The following KCNH5 variants were observed in gnomAD, a reference collection of about 807,000 sequenced individuals.
KCNH5 encodes voltage-gated delayed rectifier potassium channel KCNH5.
A neutral mutation model predicts 96.1 loss-of-function variants in KCNH5; 46 were observed. The ratio of observed to expected loss-of-function variants is 0.48; its 90% CI spans 0.38 to 0.61. The LOEUF (loss-of-function observed/expected upper bound fraction) is 0.61. Among genes scored for constraint, KCNH5 ranks in the 20% least tolerant of loss-of-function variants. KCNH5 has a pLI of 0.00. For missense variants in KCNH5, 907 were observed against 1,225.8 expected (o/e 0.74, Z 3.88); for synonymous variants, 439 against 449.8 (o/e 0.98, Z 0.30).
intron 7 of KCNH5, among the ~76,000 whole-genome samples, chr14:62,880,182 T>G (rs946167168): frequency 6.6e-6 from 1 of 152,196 alleles, no homozygotes; most frequent in Non-Finnish European, 1.5e-5. Context: ...GTTTCTTTAT[T>G]AGCAACCATT....
intron 7 of KCNH5, among the ~76,000 whole-genome samples, chr14:62,929,020 C>T (rs1381708403): frequency 3.3e-5 from 5 of 152,122 alleles, no homozygotes; most frequent in African/African-American, 7.2e-5. Context: ...GGACTGCCTA[C>T]GAGACATATG....
chr14:62,806,026 A>G (rs915091442), intron 8 of KCNH5, among the ~76,000 whole-genome samples: 1 of 152,074 alleles, frequency 6.6e-6, no homozygotes, highest in African/African-American at 2.4e-5. Context: ...CCTCGTAAAG[A>G]CCTTGCTGAT....
intron 10 of KCNH5, among the ~76,000 whole-genome samples, chr14:62,715,966 T>C: frequency 6.6e-6 from 1 of 152,224 alleles, no homozygotes; most frequent in East Asian, 1.9e-4. Flanking sequence ...CTAGGATTAC[T>C]AATACAGTTA....
chr14:62,890,817 G>C (rs1167861939), intron 7 of KCNH5, among the ~76,000 whole-genome samples: 1 of 151,958 alleles, frequency 6.6e-6, no homozygotes. Context: ...TCATTAGAGA[G>C]ATGCAAATCA....
chr14:62,755,896 T>A (rs1885612775), intron 10 of KCNH5, among the ~76,000 whole-genome samples: 1 of 152,114 alleles, frequency 6.6e-6, no homozygotes. Flanking sequence ...ATGCATTGGA[T>A]AAAATTCAAC....
At chr14:62,883,855 T>G (rs1378732817) in intron 7 of KCNH5, among the ~76,000 whole-genome samples, 1 of 152,136 alleles carries the variant, frequency 6.6e-6, no homozygotes. Flanking sequence ...GAGTGTGAGT[T>G]AAGAATCTTT....
intron 6 of KCNH5, among the ~76,000 whole-genome samples, chr14:62,953,248 C>G (rs1890040352): frequency 6.6e-6 from 1 of 151,986 alleles, no homozygotes; most frequent in Non-Finnish European, 1.5e-5. Flanking sequence ...ACTACTTCCT[C>G]TTGGTTTTTA....
intron 4 of KCNH5, among the ~76,000 whole-genome samples, chr14:62,997,940 G>A (rs1890940143): frequency 6.7e-6 from 1 of 149,670 alleles, no homozygotes; most frequent in Non-Finnish European, 1.5e-5. Context: ...AAATATGTCT[G>A]TAGTTTTCCT....
intron 10 of KCNH5, among the ~76,000 whole-genome samples, chr14:62,762,307 GC>G (rs1365826326): frequency 6.6e-6 from 1 of 152,076 alleles, no homozygotes; most frequent in Non-Finnish European, 1.5e-5. Flanking sequence ...CTGTCTTCTA[GC>G]CTCCCGTGTG....
Position 62,782,366 on chromosome 14 carries a change from A to T in KCNH5, c.1823-2442T>A, listed in dbSNP as rs557262031. On this transcript the variant is annotated intron_variant, in intron 9 of 10. Transcript: ENST00000322893. ...ATTAAAACCACCACATGATCATGTG[A>T]TCAGCATGAAACAACAATCATGAAT... Among the ~76,000 whole-genome samples, 297 of 152,338 alleles carry T rather than the reference A, an allele frequency of 1.9e-3. 2 individuals carry two copies. Among genetic ancestry groups the T allele is most frequent in the Middle Eastern group, 0.014 (4 of 294 alleles).
intron 8 of KCNH5, among the ~76,000 whole-genome samples, chr14:62,818,771 C>T (rs1369782590): frequency 6.6e-6 from 1 of 152,070 alleles, no homozygotes; most frequent in Non-Finnish European, 1.5e-5. Context: ...ACCCTAATGT[C>T]TATCAGTCAT....
rs745854353 is a variant in KCNH5, at chr14:62,785,227, A to AG, written c.1823-5304dup. On this transcript the variant is annotated intron_variant, in intron 9 of 10. Transcript: ENST00000322893. ...TTTTAAAAAAATTAATTAATTTACC[A>AG]GCCAAAGTAAAGTTGGTTAATGTCT... 7.5e-3 allele frequency among the ~76,000 whole-genome samples: 1,145 copies of AG among 152,316 alleles called. 13 individuals are homozygous for AG. Among genetic ancestry groups the AG allele is most frequent in the Middle Eastern group, 0.027 (8 of 294 alleles).
chr14:62,925,858 A>T (rs948384042), intron 7 of KCNH5, among the ~76,000 whole-genome samples: 1 of 152,146 alleles, frequency 6.6e-6, no homozygotes, highest in African/African-American at 2.4e-5. Context: ...AAATTAAAGA[A>T]GAAAGAAATT....
chr14:62,814,370 G>A (rs979877422), intron 8 of KCNH5, among the ~76,000 whole-genome samples: 9 of 152,064 alleles, frequency 5.9e-5, no homozygotes, highest in African/African-American at 1.7e-4. Flanking sequence ...TCTTAATCTC[G>A]TGTCTTTACT....
At chr14:62,710,153 G>A (rs1056615534) in intron 10 of KCNH5, among the ~76,000 whole-genome samples, 26 of 152,126 alleles carry the variant, frequency 1.7e-4, no homozygotes, top group South Asian at 6.2e-4. Flanking sequence ...GATGGTCACC[G>A]TTAACAGAAA....
At position 62,704,904 on chromosome 14, in the gene KCNH5, G is replaced by A. The variant is rs1282974942; in HGVS notation, c.*2604C>T. 6.6e-6 allele frequency: 1 copy of A among 151,844 alleles called. No individual in the cohort carries two copies. The highest frequency in any genetic ancestry group is 2.4e-5 in the African/African-American group (1 of 41,404). The allele number at this position is 151,844 out of a possible 1,614,324, so 9.4% of individuals were successfully genotyped here. On this transcript the variant is annotated 3_prime_UTR_variant, in exon 11 of 11. Transcript: ENST00000322893. ...GTAAATTCAACTGCTAAGATTTGTG[G>A]AATCTGGGAACCTAAAAGACTACTC...
intron 3 of KCNH5, among the ~76,000 whole-genome samples, chr14:63,006,014 A>G (rs924090548): frequency 6.6e-6 from 1 of 152,190 alleles, no homozygotes; most frequent in South Asian, 2.1e-4. Context: ...GTTAACAATT[A>G]CCGTTTTCTT....
intron 10 of KCNH5, among the ~76,000 whole-genome samples, chr14:62,729,341 G>A (rs1885001761): frequency 6.6e-6 from 1 of 152,170 alleles, no homozygotes; most frequent in African/African-American, 2.4e-5. Context: ...TAGAGATGAA[G>A]GTGCTATTCA....
At chr14:62,851,328 G>A (rs1007121748) in intron 7 of KCNH5, among the ~76,000 whole-genome samples, 2 of 151,772 alleles carry the variant, frequency 1.3e-5, no homozygotes, top group South Asian at 2.1e-4. Flanking sequence ...GTCTTTCAAC[G>A]TCCTGTGTGC....
Sources: allele counts gnomAD v4.1 joint callset (sites outside exome capture counted in the v4.1 genomes callset), GRCh38; gene constraint gnomAD v4.1.1; transcripts MANE v1.5; gene names NCBI Gene and HGNC (gene_info 2026-07-23, HGNC 2026-07-21).